Variants in KIF26B observed in about 807,000 individuals in gnomAD.
KIF26B encodes kinesin family member 26B, also known as kinesin-like protein KIF26B.
Under a neutral mutation model 151.2 loss-of-function variants are expected in KIF26B, and 63 were observed. The observed-to-expected ratio is 0.42, with a 90% CI of 0.34 to 0.51. The LOEUF (loss-of-function observed/expected upper bound fraction) is 0.51, where lower values mean the gene tolerates loss of function less well. Ranked by LOEUF, KIF26B falls within the 20% of genes least tolerant of loss-of-function variation. The probability of loss-of-function intolerance (pLI) is 0.07; values close to 1 mark genes in which losing one functional copy is unlikely to be tolerated. For missense variants in KIF26B, 2,813 were observed against 2,913.6 expected (o/e 0.97, Z 0.79); for synonymous variants, 1,357 against 1,262.1 (o/e 1.08, Z -1.59).
At chr1:245,249,569 C>A (rs912535252) in intron 2 of KIF26B, among the ~76,000 whole-genome samples, 1 of 147,042 alleles carries the variant, frequency 6.8e-6, no homozygotes, top group African/African-American at 2.5e-5. Flanking sequence ...CTCACTGCAA[C>A]CTCCACTTCC....
chr1:245,230,542 A>T (rs985289021), intron 2 of KIF26B, among the ~76,000 whole-genome samples: 1 of 152,192 alleles, frequency 6.6e-6, no homozygotes, highest in Admixed American at 6.5e-5. Context: ...CGGGAGTTCA[A>T]GACTATCCTG....
chr1:245,403,067 C>T lies in KIF26B; in HGVS notation c.1000-16512C>T, dbSNP rs988766730. 2.0e-5 allele frequency among the ~76,000 whole-genome samples: 3 copies of T among 152,298 alleles called. No homozygotes were observed. In the East Asian group the frequency reaches 5.8e-4, roughly 29 times the overall value. ...CACTGTGGCCTTGAACTCCTGGGCT[C>T]AAATGATCCTCCTGCCTCAGCCTCC... On this transcript the variant is annotated intron_variant, in intron 3 of 14. Transcript: ENST00000407071.
At chr1:245,229,102 GACTACAGGC>G (rs1189713224) in intron 2 of KIF26B, among the ~76,000 whole-genome samples, 1 of 152,150 alleles carries the variant, frequency 6.6e-6, no homozygotes, top group Non-Finnish European at 1.5e-5. Context: ...TAGTAGGTCA[GACTACAGGC>G]ACGTGCCACG....
At position 245,351,105 on chromosome 1, in the gene KIF26B, T is replaced by C. The variant is rs142700127; in HGVS notation, c.466-15729T>C. Among the ~76,000 whole-genome samples, 13 of 152,326 alleles carry C rather than the reference T, an allele frequency of 8.5e-5. No homozygotes were observed. In the East Asian group the frequency reaches 1.2e-3, roughly 14 times the overall value. ...AGACACTGAGCCACTTCTGGCTTTA[T>C]CTCTTCTGACCTATGCATTGGGATA... On this transcript the variant is annotated intron_variant, in intron 2 of 14. Coordinates refer to ENST00000407071, the MANE Select transcript of KIF26B (RefSeq NM_018012.4).
chr1:245,454,536 C>T (rs1231897251), intron 4 of KIF26B, among the ~76,000 whole-genome samples: 1 of 152,164 alleles, frequency 6.6e-6, no homozygotes, highest in Admixed American at 6.5e-5. Context: ...GCATCAGTAA[C>T]AGAGCAGGAA....
intron 4 of KIF26B, chr1:245,510,868 C>T: frequency 1.8e-6 from 1 of 567,264 alleles, no homozygotes; most frequent in Non-Finnish European, 3.1e-6. Context: ...CTCAGTGAGG[C>T]CAGGATCATG....
At chr1:245,528,825 C>T (rs1661298981) in intron 4 of KIF26B, among the ~76,000 whole-genome samples, 1 of 152,194 alleles carries the variant, frequency 6.6e-6, no homozygotes, top group Non-Finnish European at 1.5e-5. Context: ...ATCCAACTCT[C>T]AGAAACAGAA....
At chr1:245,446,749 G>A (rs1023719661) in intron 4 of KIF26B, among the ~76,000 whole-genome samples, 2 of 152,182 alleles carry the variant, frequency 1.3e-5, no homozygotes, top group African/African-American at 4.8e-5. Flanking sequence ...AAGGGTCCCT[G>A]GTGGAGGGGT....
At position 245,402,434 on chromosome 1, in the gene KIF26B, A is replaced by T. The variant is rs186129341; in HGVS notation, c.1000-17145A>T. On this transcript the variant is annotated intron_variant, in intron 3 of 14. Transcript: ENST00000407071. ...CTGCCTTTTTATGTTTGACCCTTGGATGTGGCCAACGATTCCCATGGTGAC... is the reference window on the plus strand; with the variant it reads ...CTGCCTTTTTATGTTTGACCCTTGGTTGTGGCCAACGATTCCCATGGTGAC... Among the ~76,000 whole-genome samples the T allele has an allele frequency of 2.6e-5, 4 of 152,236 alleles. No homozygotes were observed. In the East Asian group the frequency reaches 7.7e-4, roughly 29 times the overall value.
In KIF26B at chr1:245,501,237, G is replaced by T. The variant is rs373325110; in HGVS notation, c.1167-39530G>T. ...CTTGGCCTTGCCACTTACGAGCTATGTGACCTTGAGAAAAGGTCTTAACTT... is the reference window on the plus strand; with the variant it reads ...CTTGGCCTTGCCACTTACGAGCTATTTGACCTTGAGAAAAGGTCTTAACTT... On this transcript the variant is annotated intron_variant, in intron 4 of 14. Transcript: ENST00000407071. Among the ~76,000 whole-genome samples the T allele has an allele frequency of 3.3e-5, 5 of 152,338 alleles. No individual in the cohort carries two copies. In the South Asian group the frequency reaches 6.2e-4, roughly 19 times the overall value.
At chr1:245,420,458 G>A (rs1004325671) in intron 4 of KIF26B, among the ~76,000 whole-genome samples, 1 of 152,168 alleles carries the variant, frequency 6.6e-6, no homozygotes. Flanking sequence ...AACTAGGAGT[G>A]AGTTTATAGC....
chr1:245,296,589 C>T (rs780225564), intron 2 of KIF26B, among the ~76,000 whole-genome samples: 4 of 152,218 alleles, frequency 2.6e-5, no homozygotes, highest in Non-Finnish European at 5.9e-5. Context: ...GACTCCAGAT[C>T]CCCTGCTTTC....
chr1:245,435,998 A>G (rs1428346183), intron 4 of KIF26B, among the ~76,000 whole-genome samples: 2 of 152,008 alleles, frequency 1.3e-5, no homozygotes, highest in Admixed American at 6.6e-5. Flanking sequence ...CCAACATGAC[A>G]AAACCCCGTC....
At chr1:245,185,120 G>A (rs140683782) in intron 2 of KIF26B, among the ~76,000 whole-genome samples, 190 of 151,666 alleles carry the variant, frequency 1.3e-3, no homozygotes, top group African/African-American at 4.4e-3. Flanking sequence ...ACATTCTGCT[G>A]TGTGCTAAGG....
intron 4 of KIF26B, among the ~76,000 whole-genome samples, chr1:245,440,856 T>C (rs1190445324): frequency 6.6e-6 from 1 of 152,194 alleles, no homozygotes; most frequent in Non-Finnish European, 1.5e-5. Context: ...AAACACGTCA[T>C]GGGACCTCCT....
intron 5 of KIF26B, among the ~76,000 whole-genome samples, chr1:245,546,112 T>C (rs551019476): frequency 1.1e-4 from 16 of 152,246 alleles, no homozygotes; most frequent in Non-Finnish European, 2.2e-4. Context: ...AAAGACAAGA[T>C]TTCTGTTCAG....
At chr1:245,672,088 A>G (rs1051475787) in intron 10 of KIF26B, among the ~76,000 whole-genome samples, 2 of 152,114 alleles carry the variant, frequency 1.3e-5, no homozygotes, top group Non-Finnish European at 2.9e-5. Flanking sequence ...AGCCACGGTC[A>G]TGCCAGTCTG....
intron 10 of KIF26B, among the ~76,000 whole-genome samples, chr1:245,646,972 C>T (rs370559012): frequency 7.2e-5 from 11 of 152,170 alleles, no homozygotes; most frequent in South Asian, 2.1e-4. Flanking sequence ...CTCATTGGAC[C>T]GTGTGGTGGC....
At chr1:245,213,080 C>G (rs1431045998) in intron 2 of KIF26B, among the ~76,000 whole-genome samples, 1 of 152,210 alleles carries the variant, frequency 6.6e-6, no homozygotes, top group African/African-American at 2.4e-5. Context: ...AGCCAGAGTG[C>G]TGTTTTTTCC....
Sources: allele counts gnomAD v4.1 joint callset (sites outside exome capture counted in the v4.1 genomes callset), GRCh38; gene constraint gnomAD v4.1.1; transcripts MANE v1.5; gene names NCBI Gene and HGNC (gene_info 2026-07-23, HGNC 2026-07-21).